HTR1F: variants seen among roughly 807,000 people sequenced by gnomAD.
HTR1F encodes 5-hydroxytryptamine (serotonin) receptor 1F, G protein-coupled.
HTR1F carries 17 observed loss-of-function variants against 24.0 expected under a neutral mutation model. The ratio of observed to expected loss-of-function variants is 0.71; its 90% confidence interval spans 0.48 to 1.06. HTR1F has a LOEUF of 1.06. HTR1F is among the 50% of genes least tolerant of loss of function. HTR1F has a pLI of 0.00. For synonymous variants in HTR1F, 186 were observed against 156.8 expected (o/e 1.19, Z -1.39); for missense variants, 391 against 427.8 (o/e 0.91, Z 0.76).
intron 1 of HTR1F, among the ~76,000 whole-genome samples, chr3:87,796,931 T>C (rs528810757): frequency 1.3e-5 from 2 of 152,298 alleles, no homozygotes; most frequent in African/African-American, 4.8e-5. Flanking sequence ...AAGCAAACAA[T>C]TGAAAACAAC....
chr3:87,980,737 C>T (rs1705522829), intron 2 of HTR1F, among the ~76,000 whole-genome samples: 1 of 152,180 alleles, frequency 6.6e-6, no homozygotes, highest in Non-Finnish European at 1.5e-5. Flanking sequence ...GCCTCTCTCC[C>T]ATTCTTGTCA....
intron 2 of HTR1F, among the ~76,000 whole-genome samples, chr3:87,882,830 A>G (rs568484971): frequency 6.6e-6 from 1 of 152,208 alleles, no homozygotes; most frequent in African/African-American, 2.4e-5. Context: ...CATTGTGCAC[A>G]TGTACCCTAA....
In HTR1F at chr3:87,876,422, A is replaced by G. The variant is rs137916703; in HGVS notation, c.-43+54298A>G. 3.6e-3 allele frequency among the ~76,000 whole-genome samples: 542 copies of G among 152,336 alleles called. 4 individuals carry two copies. In the South Asian group the frequency reaches 0.042, roughly 12 times the overall value. ...AAATGTGGTATATTCATACAAGGGA[A>G]TATTATTCAGTCTTAAAAAAGAAAG... On this transcript the variant is annotated intron_variant, in intron 2 of 2. Coordinates refer to ENST00000319595, the MANE Select transcript of HTR1F (RefSeq NM_001322209.2).
Position 87,833,816 on chromosome 3 carries a change from C to CT in HTR1F, c.-43+11701dup, listed in dbSNP as rs897989722. On this transcript the variant is annotated intron_variant, in intron 2 of 2. Transcript: ENST00000319595. The stretch of plus-strand genomic sequence containing the variant: ...CACCACGTGCCCGGCCTATAAAGCC[C>CT]TTTTTTTTTAAGTCCTTCTTATATT... 2.4e-4 allele frequency among the ~76,000 whole-genome samples: 36 copies of CT among 151,192 alleles called. No homozygotes were observed. The East Asian group carries it at 2.5e-3, about 11-fold the overall frequency.
Position 87,840,591 on chromosome 3 carries a change from T to C in HTR1F, c.-43+18467T>C, listed in dbSNP as rs116218751. 9.6e-3 allele frequency among the ~76,000 whole-genome samples: 1,463 copies of C among 152,224 alleles called. 21 individuals are homozygous for C. The highest frequency in any genetic ancestry group is 0.032 in the African/African-American group (1,350 of 41,542). On this transcript the variant is annotated intron_variant, in intron 2 of 2. Coordinates refer to ENST00000319595, the MANE Select transcript of HTR1F (RefSeq NM_001322209.2). ...TTAACATATGATCCAGCAATCCCACTACTGGAGTATACCCAAAGTACTTGA... is the reference window on the plus strand; with the variant it reads ...TTAACATATGATCCAGCAATCCCACCACTGGAGTATACCCAAAGTACTTGA...
At chr3:87,917,577 A>G (rs996936103) in intron 2 of HTR1F, among the ~76,000 whole-genome samples, 8 of 152,014 alleles carry the variant, frequency 5.3e-5, no homozygotes, top group Non-Finnish European at 1.0e-4. Context: ...CAAGGCTACA[A>G]TGAACAACTT....
intron 2 of HTR1F, among the ~76,000 whole-genome samples, chr3:87,919,505 A>G (rs1392644524): frequency 3.9e-5 from 6 of 152,140 alleles, no homozygotes; most frequent in Non-Finnish European, 8.8e-5. Context: ...AGAATCTACA[A>G]CGAACTCAAA....
chr3:87,937,450 T>A (rs942055185), intron 2 of HTR1F, among the ~76,000 whole-genome samples: 4 of 152,120 alleles, frequency 2.6e-5, no homozygotes, highest in African/African-American at 9.7e-5. Context: ...AAACTGGGTA[T>A]TGAAGGAACA....
At chr3:87,884,460 G>A (rs2107289009) in intron 2 of HTR1F, among the ~76,000 whole-genome samples, 1 of 152,244 alleles carries the variant, frequency 6.6e-6, no homozygotes, top group Non-Finnish European at 1.5e-5. Flanking sequence ...AAAAGAACCA[G>A]CTAACATCAT....
chr3:87,896,307 G>C (rs1404281083), intron 2 of HTR1F, among the ~76,000 whole-genome samples: 1 of 152,190 alleles, frequency 6.6e-6, no homozygotes, highest in East Asian at 1.9e-4. Flanking sequence ...GCCTAACCAG[G>C]CTTCAGAAAA....
intron 2 of HTR1F, among the ~76,000 whole-genome samples, chr3:87,919,881 G>A (rs1457387408): frequency 1.2e-4 from 18 of 151,984 alleles, no homozygotes; most frequent in Admixed American, 1.2e-3. Flanking sequence ...TCTACCCATA[G>A]GAAAGGGAGT....
intron 2 of HTR1F, among the ~76,000 whole-genome samples, chr3:87,858,248 TTATATAA>T (rs2107222935): frequency 6.6e-6 from 1 of 152,268 alleles, no homozygotes; most frequent in Admixed American, 6.5e-5. Context: ...CTGTAAAATT[TTATATAA>T]CTCAGGGGTA....
At chr3:87,924,092 G>C (rs903670320) in intron 2 of HTR1F, among the ~76,000 whole-genome samples, 1 of 151,996 alleles carries the variant, frequency 6.6e-6, no homozygotes. Flanking sequence ...TTAAAATTTT[G>C]GTAGGATTCA....
intron 2 of HTR1F, among the ~76,000 whole-genome samples, chr3:87,918,083 T>C (rs1703934832): frequency 6.6e-6 from 1 of 152,002 alleles, no homozygotes; most frequent in Non-Finnish European, 1.5e-5. Context: ...TCAATAAATA[T>C]GATATACCAC....
Position 87,983,765 on chromosome 3 carries a change from C to T in HTR1F, c.-42-6943C>T, listed in dbSNP as rs72917776. Reference sequence around the variant, plus strand: ...CAATATAAACCCTAAATTTCAAGCACTAATGGAAGAGTAAAAAAACATAGA... The same window carrying T: ...CAATATAAACCCTAAATTTCAAGCATTAATGGAAGAGTAAAAAAACATAGA... On this transcript the variant is annotated intron_variant, in intron 2 of 2. Transcript: ENST00000319595. 6.9e-3 allele frequency among the ~76,000 whole-genome samples: 1,045 copies of T among 152,256 alleles called. 8 individuals carry two copies. The highest frequency in any genetic ancestry group is 0.024 in the African/African-American group (1,007 of 41,526).
At chr3:87,882,138 T>G (rs927571574) in intron 2 of HTR1F, among the ~76,000 whole-genome samples, 13 of 152,096 alleles carry the variant, frequency 8.5e-5, no homozygotes, top group Admixed American at 4.6e-4. Flanking sequence ...ATCAGAGAAA[T>G]GCAAATCAAA....
intron 2 of HTR1F, among the ~76,000 whole-genome samples, chr3:87,950,702 CT>C (rs1409513932): frequency 5.3e-5 from 8 of 152,094 alleles, no homozygotes; most frequent in Non-Finnish European, 1.0e-4. Context: ...GAAAGGGGAG[CT>C]TTTACTGCAA....
intron 2 of HTR1F, among the ~76,000 whole-genome samples, chr3:87,909,353 A>G (rs1703727976): frequency 6.6e-6 from 1 of 152,094 alleles, no homozygotes; most frequent in African/African-American, 2.4e-5. Flanking sequence ...ACCTCTGGTC[A>G]GTATCTAATT....
At chr3:87,805,300 T>A (rs1273095993) in intron 1 of HTR1F, among the ~76,000 whole-genome samples, 1 of 152,044 alleles carries the variant, frequency 6.6e-6, no homozygotes, top group Non-Finnish European at 1.5e-5. Context: ...AGCAGAAAAG[T>A]TAAGATATTT....
Sources: gnomAD v4.1 joint callset for allele counts (sites outside exome capture counted in the v4.1 genomes callset) on GRCh38, gnomAD v4.1.1 for gene constraint, MANE v1.5 for transcripts, NCBI Gene and HGNC (gene_info 2026-07-23, HGNC 2026-07-21) for gene names.